Variants in SLC25A48 observed in about 807,000 individuals in gnomAD.
SLC25A48 encodes solute carrier family 25 member 48, also known as CTC-321K16.1.
Under a neutral mutation model 32.2 loss-of-function variants are expected in SLC25A48, and 29 were observed. That is an observed-to-expected ratio of 0.90 (90% CI 0.67 to 1.23). The LOEUF (loss-of-function observed/expected upper bound fraction) is 1.23, where lower values mean the gene tolerates loss of function less well. Among genes scored for constraint, SLC25A48 ranks in the 50% most tolerant of loss-of-function variants. SLC25A48 has a pLI of 0.00. For synonymous variants in SLC25A48, 164 were observed against 172.3 expected, an observed-to-expected ratio of 0.95 and a Z score of 0.38; for missense variants, 399 against 422.7, an observed-to-expected ratio of 0.94 and a Z score of 0.49.
At chr5:135,702,259 G>A (rs1311246471) in intron 3 of SLC25A48, among the ~76,000 whole-genome samples, 1 of 152,240 alleles carries the variant, frequency 6.6e-6, no homozygotes, top group Non-Finnish European at 1.5e-5. Flanking sequence ...GTCTTTGCAG[G>A]TGTAACCAAG....
chr5:135,817,153 G>T (rs1049078019), intron 4 of SLC25A48, among the ~76,000 whole-genome samples: 8 of 152,180 alleles, frequency 5.3e-5, no homozygotes, highest in African/African-American at 1.9e-4. Context: ...TGGCAAAGTT[G>T]GGAGACATTC....
At chr5:135,834,593 G>A, upstream of SLC25A48, 2 of 459,442 alleles carry the variant, frequency 4.4e-6, no homozygotes, top group Non-Finnish European at 3.8e-6. Context: ...CGCGCGGAGC[G>A]CACCCTTATC....
intron 4 of SLC25A48, among the ~76,000 whole-genome samples, chr5:135,868,762 C>T (rs1668240158): frequency 6.6e-6 from 1 of 152,162 alleles, no homozygotes; most frequent in South Asian, 2.1e-4. Flanking sequence ...GTCTTGTTGC[C>T]AAAGTCAGTT....
intron 3 of SLC25A48, among the ~76,000 whole-genome samples, chr5:135,801,986 G>A (rs1757341228): frequency 6.6e-6 from 1 of 151,626 alleles, no homozygotes; most frequent in South Asian, 2.1e-4. Context: ...ATGTTATATT[G>A]TTCATAATAT....
In SLC25A48 at chr5:135,812,305, T is replaced by G. The variant is rs539726533; in HGVS notation, c.-520-218T>G. ...CCCTCCAGCATTTATCATTTCTTTGTGTTACAAACACTCCCATTTATACTT... is the reference window on the plus strand; with the variant it reads ...CCCTCCAGCATTTATCATTTCTTTGGGTTACAAACACTCCCATTTATACTT... On this transcript the variant is annotated intron_variant, in intron 3 of 10. Coordinates refer to the SLC25A48 transcript ENST00000646290. 1.1e-4 allele frequency among the ~76,000 whole-genome samples: 16 copies of G among 152,312 alleles called. 1 individual carries two copies. The highest frequency in any genetic ancestry group is 1.0e-3 in the Admixed American group (16 of 15,302).
intron 3 of SLC25A48, among the ~76,000 whole-genome samples, chr5:135,682,185 G>C (rs1753913031): frequency 6.6e-6 from 1 of 152,194 alleles, no homozygotes; most frequent in Non-Finnish European, 1.5e-5. Flanking sequence ...TAGGCAGGCA[G>C]TAATTTGGGG....
At chr5:135,878,275 CCTGGCT>C (rs1762197672) in intron 6 of SLC25A48, among the ~76,000 whole-genome samples, 1 of 152,164 alleles carries the variant, frequency 6.6e-6, no homozygotes, top group Non-Finnish European at 1.5e-5. Flanking sequence ...CAAGCTGGGC[CCTGGCT>C]GCCTCCGCCT....
chr5:135,795,034 C>A (rs1197380252), intron 3 of SLC25A48, among the ~76,000 whole-genome samples: 1 of 151,788 alleles, frequency 6.6e-6, no homozygotes. Context: ...GGGTTATACA[C>A]CCCCACATTG....
intron 3 of SLC25A48, among the ~76,000 whole-genome samples, chr5:135,812,197 T>C (rs1251816708): frequency 6.6e-6 from 1 of 152,250 alleles, no homozygotes; most frequent in Non-Finnish European, 1.5e-5. Context: ...ATAGTAGGTG[T>C]ATATATTTAT....
intron 3 of SLC25A48, among the ~76,000 whole-genome samples, chr5:135,728,796 C>T (rs1670802163): frequency 6.6e-6 from 1 of 151,018 alleles, no homozygotes; most frequent in Non-Finnish European, 1.5e-5. Flanking sequence ...TTGCCTTTCA[C>T]CTCAGTTTCA....
At chr5:135,805,848 C>A (rs925928961) in intron 3 of SLC25A48, among the ~76,000 whole-genome samples, 2 of 151,440 alleles carry the variant, frequency 1.3e-5, no homozygotes, top group African/African-American at 4.8e-5. Flanking sequence ...CTCCTAATAT[C>A]CCTGTGGGTG....
rs555265182 is a variant in SLC25A48, at chr5:135,714,350, G to A, written c.-521+79394G>A. Among the ~76,000 whole-genome samples the A allele has an allele frequency of 7.9e-5, 12 of 152,270 alleles. No individual in the cohort carries two copies. The East Asian group carries it at 1.5e-3, about 20-fold the overall frequency. On this transcript the variant is annotated intron_variant, in intron 3 of 10. Coordinates refer to the SLC25A48 transcript ENST00000646290. ...ACAAATTCCTCCAGCCCCAGCCCTC[G>A]ACTTGGAAAAGACGTGCTCCAGATG...
intron 4 of SLC25A48, among the ~76,000 whole-genome samples, chr5:135,865,625 A>T (rs1035490177): frequency 1.3e-5 from 2 of 152,098 alleles, no homozygotes; most frequent in African/African-American, 2.4e-5. Context: ...AGATGCTGAG[A>T]TATATATGGG....
chr5:135,656,369 A>G (rs1397353638), intron 3 of SLC25A48, among the ~76,000 whole-genome samples: 1 of 151,962 alleles, frequency 6.6e-6, no homozygotes, highest in East Asian at 1.9e-4. Context: ...CTATTTTTAC[A>G]CCCAGATTGG....
At chr5:135,801,587 C>T (rs923560395) in intron 3 of SLC25A48, among the ~76,000 whole-genome samples, 1 of 151,134 alleles carries the variant, frequency 6.6e-6, no homozygotes, top group East Asian at 2.0e-4. Context: ...CCTCCAATAT[C>T]GCAGAAGGTG....
chr5:135,794,961 A>G (rs372065301), intron 3 of SLC25A48, among the ~76,000 whole-genome samples: 3 of 142,132 alleles, frequency 2.1e-5, no homozygotes, highest in Non-Finnish European at 4.7e-5. Flanking sequence ...ACACCATACC[A>G]TTCTGTGATA....
chr5:135,870,392 G>C (rs762517338), intron 4 of SLC25A48, among the ~76,000 whole-genome samples: 3 of 152,206 alleles, frequency 2.0e-5, no homozygotes, highest in East Asian at 1.9e-4. Flanking sequence ...AGCAGAGAAG[G>C]GTCCGTAGCA....
chr5:135,850,503 G>A lies in SLC25A48; in HGVS notation c.162+7G>A, dbSNP rs1281598699. 2 of 1,613,936 alleles carry A rather than the reference G, an allele frequency of 1.2e-6. No individual in the cohort carries two copies. Among genetic ancestry groups the A allele is most frequent in the South Asian group, 1.1e-5 (1 of 91,084 alleles). ...GGTGTACAGGAGGGAGAGTGTAAGT[G>A]CCCCTTGGGCGGGTGGAGTGATGCC... On this transcript the variant is annotated splice_region_variant and intron_variant, in intron 3 of 7. Coordinates refer to ENST00000681962, the MANE Select transcript of SLC25A48 (RefSeq NM_001349336.2).
At chr5:135,674,693 A>G (rs1753728017) in intron 3 of SLC25A48, among the ~76,000 whole-genome samples, 2 of 152,012 alleles carry the variant, frequency 1.3e-5, no homozygotes, top group Non-Finnish European at 2.9e-5. Flanking sequence ...TTATGGCTGA[A>G]TAGTATTTAA....
Sources: allele counts gnomAD v4.1 joint callset (sites outside exome capture counted in the v4.1 genomes callset), GRCh38; gene constraint gnomAD v4.1.1; transcripts MANE v1.5; gene names NCBI Gene and HGNC (gene_info 2026-07-23, HGNC 2026-07-21).